Variants in RBFOX1 observed in about 807,000 individuals in gnomAD.
RBFOX1 encodes the protein RNA binding protein fox-1 homolog 1.
RBFOX1 carries 8 observed loss-of-function variants against 57.7 expected under a neutral mutation model. The observed-to-expected ratio is 0.14, with a 90% CI of 0.08 to 0.25. RBFOX1 has a LOEUF of 0.25. Among genes scored for constraint, RBFOX1 ranks in the 10% least tolerant of loss-of-function variants. The pLI, the probability that RBFOX1 is intolerant of heterozygous loss-of-function variation, is 1.00. For synonymous variants in RBFOX1, 326 were observed against 222.4 expected (o/e 1.47, Z -4.15); for missense variants, 611 against 548.5 (o/e 1.11, Z -1.14).
intron 3 of RBFOX1, among the ~76,000 whole-genome samples, chr16:5,844,951 A>C (rs1024398810): frequency 6.6e-6 from 1 of 152,316 alleles, no homozygotes; most frequent in South Asian, 2.1e-4. Context: ...GTTTAATTCA[A>C]TTAGCAGGAA....
chr16:7,328,191 G>T (rs4433825), intron 4 of RBFOX1, among the ~76,000 whole-genome samples: 57,945 of 151,910 alleles, frequency 0.38, 13,761 homozygotes, highest in East Asian at 0.65. Flanking sequence ...TAAGATCTGG[G>T]AAAGGAGGTT....
At chr16:7,256,440 A>T (rs1180343059) in intron 4 of RBFOX1, among the ~76,000 whole-genome samples, 1 of 152,152 alleles carries the variant, frequency 6.6e-6, no homozygotes, top group Non-Finnish European at 1.5e-5. Flanking sequence ...GTTTGTCTCA[A>T]TCTTTTATGG....
chr16:6,826,896 G>C (rs117202497), intron 3 of RBFOX1, among the ~76,000 whole-genome samples: 3 of 152,048 alleles, frequency 2.0e-5, no homozygotes, highest in African/African-American at 7.2e-5. Context: ...GAAATTTTCC[G>C]AATAAAATCT....
chr16:6,902,723 A>G (rs938212938), intron 3 of RBFOX1, among the ~76,000 whole-genome samples: 13 of 152,202 alleles, frequency 8.5e-5, no homozygotes, highest in African/African-American at 3.1e-4. Context: ...CTCCATGTAG[A>G]GAACAGGAAG....
chr16:7,044,646 C>CT (rs890329089), intron 3 of RBFOX1, among the ~76,000 whole-genome samples: 1 of 152,060 alleles, frequency 6.6e-6, no homozygotes, highest in African/African-American at 2.4e-5. Flanking sequence ...TTCCACTTTA[C>CT]TTTTTTTCAT....
chr16:7,377,426 C>G (rs761420116), intron 4 of RBFOX1, among the ~76,000 whole-genome samples: 2 of 152,176 alleles, frequency 1.3e-5, no homozygotes, highest in Non-Finnish European at 1.5e-5. Flanking sequence ...GGAAGAGTTT[C>G]TGAAGAATCA....
chr16:7,364,225 A>G (rs1248561052), intron 4 of RBFOX1, among the ~76,000 whole-genome samples: 1 of 152,184 alleles, frequency 6.6e-6, no homozygotes, highest in African/African-American at 2.4e-5. Flanking sequence ...GTGCCGGGCT[A>G]GCGGCTTTCC....
At chr16:6,071,867 T>C (rs1263732201) in intron 1 of RBFOX1, among the ~76,000 whole-genome samples, 2 of 152,230 alleles carry the variant, frequency 1.3e-5, no homozygotes, top group African/African-American at 4.8e-5. Flanking sequence ...CTTATTTCAC[T>C]AGAATAATGT....
intron 4 of RBFOX1, among the ~76,000 whole-genome samples, chr16:7,485,904 C>T (rs1431827897): frequency 6.6e-6 from 1 of 152,136 alleles, no homozygotes; most frequent in Non-Finnish European, 1.5e-5. Flanking sequence ...TGGCACATAG[C>T]CACACCCATT....
chr16:5,691,470 C>T (rs1003464210), intron 3 of RBFOX1, among the ~76,000 whole-genome samples: 1 of 152,186 alleles, frequency 6.6e-6, no homozygotes, highest in Admixed American at 6.5e-5. Context: ...ATTCAATGTT[C>T]ATGGCAACTT....
At chr16:6,611,163 G>T (rs1031041962) in intron 2 of RBFOX1, among the ~76,000 whole-genome samples, 1 of 152,028 alleles carries the variant, frequency 6.6e-6, no homozygotes, top group South Asian at 2.1e-4. Context: ...TTTTTGAGGG[G>T]GAGGGGACGA....
chr16:7,120,331 G>T (rs12926761), intron 4 of RBFOX1, among the ~76,000 whole-genome samples: 3 of 150,932 alleles, frequency 2.0e-5, no homozygotes, highest in Admixed American at 2.0e-4. Flanking sequence ...GAAGGGAATA[G>T]TAAATGTAAG....
In RBFOX1 at chr16:5,240,106, G is replaced by A; in HGVS notation, c.219+1G>A. ...CCAGACAGGTGGCGACGGCAGAGGA[G>A]TAAGTGACGCGGGCGCGGGGGTCCG... On this transcript the variant is annotated splice_donor_variant, in intron 1 of 2. Coordinates refer to the RBFOX1 transcript ENST00000585867. LOFTEE classifies it high-confidence loss of function. 6.6e-7 allele frequency: 1 copy of A among 1,518,804 alleles called. No individual in the cohort carries two copies. Among genetic ancestry groups the A allele is most frequent in the Non-Finnish European group, 8.8e-7 (1 of 1,133,822 alleles). The allele number at this position is 1,518,804 out of a possible 1,614,324, so 94.1% of individuals were successfully genotyped here. A position where few individuals can be genotyped will look rare whatever the true frequency, so the allele number is the denominator to read the frequency against.
chr16:7,683,412 T>C (rs2075356299), intron 14 of RBFOX1, among the ~76,000 whole-genome samples: 1 of 151,972 alleles, frequency 6.6e-6, no homozygotes, highest in African/African-American at 2.4e-5. Context: ...GTCCATAATC[T>C]ATAATGGCTT....
chr16:5,454,568 G>A (rs897530557), intron 1 of RBFOX1, among the ~76,000 whole-genome samples: 1 of 152,122 alleles, frequency 6.6e-6, no homozygotes, highest in Non-Finnish European at 1.5e-5. Context: ...TAGAAGAAAA[G>A]ATTGACCTCC....
chr16:6,031,750 A>G (rs1280813025), intron 1 of RBFOX1, among the ~76,000 whole-genome samples: 1 of 152,244 alleles, frequency 6.6e-6, no homozygotes, highest in Non-Finnish European at 1.5e-5. Context: ...GCCCAGCAGA[A>G]TGAGGGTCAG....
intron 2 of RBFOX1, chr16:6,573,914 G>A (rs1467765913): frequency 6.6e-6 from 1 of 152,198 alleles, no homozygotes. Context: ...GACAGTCAGA[G>A]GAAGACAGGC....
chr16:7,554,670 T>C (rs1375584004), intron 5 of RBFOX1, among the ~76,000 whole-genome samples: 1 of 152,182 alleles, frequency 6.6e-6, no homozygotes, highest in Non-Finnish European at 1.5e-5. Flanking sequence ...TTAATTTTTT[T>C]ATTTTTAAGC....
At chr16:5,688,230 T>C (rs2050562947) in intron 3 of RBFOX1, among the ~76,000 whole-genome samples, 1 of 152,230 alleles carries the variant, frequency 6.6e-6, no homozygotes, top group South Asian at 2.1e-4. Context: ...TAGAATTTCA[T>C]AGAGGTGCAT....
Sources: gnomAD v4.1 joint callset for allele counts (sites outside exome capture counted in the v4.1 genomes callset) on GRCh38, gnomAD v4.1.1 for gene constraint, MANE v1.5 for transcripts, NCBI Gene and HGNC (gene_info 2026-07-23, HGNC 2026-07-21) for gene names.